EGFLAM: variants seen among roughly 807,000 people sequenced by gnomAD.
EGFLAM encodes pikachurin.
In EGFLAM, 79 loss-of-function variants were observed where a neutral mutation model predicts 113.1. The observed-to-expected ratio is 0.70, with a 90% confidence interval of 0.58 to 0.84. The LOEUF is 0.84. Among genes scored for constraint, EGFLAM ranks in the 40% least tolerant of loss-of-function variants. The pLI is 0.00. For synonymous variants in EGFLAM, 504 were observed against 487.6 expected, an observed-to-expected ratio of 1.03 and a Z score of -0.44; for missense variants, 1,265 against 1,291.6, an observed-to-expected ratio of 0.98 and a Z score of 0.32.
At chr5:38,436,262 G>A (rs1208564768) in intron 16 of EGFLAM, among the ~76,000 whole-genome samples, 1 of 152,292 alleles carries the variant, frequency 6.6e-6, no homozygotes, top group African/African-American at 2.4e-5. Context: ...CTGAAGAAAA[G>A]CATGTTTAGT....
At chr5:38,417,235 C>G (rs144065536) in intron 11 of EGFLAM, among the ~76,000 whole-genome samples, 3 of 150,970 alleles carry the variant, frequency 2.0e-5, no homozygotes, top group Non-Finnish European at 2.9e-5. Context: ...GTAATCCCAG[C>G]TACTCAGGAG....
intron 5 of EGFLAM, among the ~76,000 whole-genome samples, chr5:38,367,412 A>ATT (rs140514341): frequency 2.7e-5 from 4 of 145,574 alleles, no homozygotes; most frequent in African/African-American, 7.6e-5. Flanking sequence ...ATGCTGGCTA[A>ATT]TTTTTTTTTT....
rs112633193 is a variant in EGFLAM at position 38,269,782 on chromosome 5, C to G, written c.97+10931C>G. Among the ~76,000 whole-genome samples the G allele has an allele frequency of 4.1e-3, 628 of 152,284 alleles. 3 individuals are homozygous for G. The highest frequency in any genetic ancestry group is 0.014 in the African/African-American group (598 of 41,564). ...GGGATTACAGGCCTGAGCCACTGCG[C>G]CTGGCCTGAAACACTGCACTTTTCA... On this transcript the variant is annotated intron_variant, in intron 1 of 21. Coordinates refer to ENST00000322350, the MANE Select transcript of EGFLAM (RefSeq NM_152403.4).
intron 13 of EGFLAM, among the ~76,000 whole-genome samples, chr5:38,426,124 G>T (rs116225465): frequency 0.012 from 1,824 of 152,000 alleles, 44 homozygotes; most frequent in African/African-American, 0.042. Flanking sequence ...AAAAGATAGG[G>T]AAGGTAGACA....
chr5:38,319,550 A>G (rs948914565), intron 1 of EGFLAM, among the ~76,000 whole-genome samples: 7 of 152,166 alleles, frequency 4.6e-5, no homozygotes, highest in Non-Finnish European at 7.3e-5. Context: ...TCTACGGGCT[A>G]TTGGGGGCAA....
intron 1 of EGFLAM, among the ~76,000 whole-genome samples, chr5:38,306,689 T>C (rs924596129): frequency 1.1e-4 from 17 of 152,220 alleles, no homozygotes; most frequent in Non-Finnish European, 2.4e-4. Flanking sequence ...GATTCCCCAA[T>C]GTATGATGCC....
At chr5:38,379,350 G>C (rs754663174) in intron 6 of EGFLAM, among the ~76,000 whole-genome samples, 2 of 152,050 alleles carry the variant, frequency 1.3e-5, no homozygotes, top group African/African-American at 4.8e-5. Context: ...GTGGGATCTA[G>C]AAGCTTATAG....
At chr5:38,367,574 G>T (rs945211142) in intron 5 of EGFLAM, among the ~76,000 whole-genome samples, 2 of 152,022 alleles carry the variant, frequency 1.3e-5, no homozygotes, top group Admixed American at 1.3e-4. Context: ...CTGTTCCTGT[G>T]GGGTGGCAGC....
chr5:38,455,688 C>T lies in EGFLAM; in HGVS notation c.2688-2623C>T, dbSNP rs556035567. Among the ~76,000 whole-genome samples, 9 of 152,054 alleles carry T rather than the reference C, an allele frequency of 5.9e-5. No homozygotes were observed. The South Asian group carries it at 6.2e-4, about 11-fold the overall frequency. On this transcript the variant is annotated intron_variant, in intron 19 of 21. Transcript: ENST00000322350. Reference sequence around the variant, plus strand: ...AGATGGAATTGAAGGGTTGGGGAATCGGGCCATGGAGAAGCCAACTGAGTT... The same window carrying T: ...AGATGGAATTGAAGGGTTGGGGAATTGGGCCATGGAGAAGCCAACTGAGTT...
intron 10 of EGFLAM, among the ~76,000 whole-genome samples, chr5:38,411,487 T>C (rs969909790): frequency 1.3e-4 from 19 of 144,362 alleles, no homozygotes; most frequent in Non-Finnish European, 2.1e-4. Flanking sequence ...TAATTTCTTT[T>C]TTTTTTTTTT....
At chr5:38,323,092 G>T (rs780538553) in intron 1 of EGFLAM, among the ~76,000 whole-genome samples, 2 of 152,180 alleles carry the variant, frequency 1.3e-5, no homozygotes, top group African/African-American at 4.8e-5. Flanking sequence ...ACTATTTTTA[G>T]TTAGTCTGGG....
At chr5:38,439,001 C>CTTT (rs1258201947) in intron 17 of EGFLAM, among the ~76,000 whole-genome samples, 1 of 152,152 alleles carries the variant, frequency 6.6e-6, no homozygotes, top group African/African-American at 2.4e-5. Flanking sequence ...GTTGTCTCAA[C>CTTT]TGTAAAATGG....
Position 38,395,857 on chromosome 5 carries a change from A to G in EGFLAM, c.713-10269A>G, listed in dbSNP as rs80288647. Among the ~76,000 whole-genome samples the G allele has an allele frequency of 7.1e-3, 1,081 of 152,176 alleles. 23 individuals carry two copies. The highest frequency in any genetic ancestry group is 0.025 in the African/African-American group (1,037 of 41,480). On this transcript the variant is annotated intron_variant, in intron 6 of 21. Transcript: ENST00000322350. ...ACTGGAGACCATACTATGTATGTCA[A>G]TTTTCGGTTAGTTACCCTGTCTCTC...
intron 1 of EGFLAM, among the ~76,000 whole-genome samples, chr5:38,313,263 A>G (rs6865068): frequency 0.59 from 90,317 of 152,042 alleles, 27,807 homozygotes; most frequent in East Asian, 0.77. Context: ...ATAATTTTAT[A>G]TTGTACATGC....
intron 17 of EGFLAM, among the ~76,000 whole-genome samples, chr5:38,444,663 G>A (rs1742650973): frequency 6.6e-6 from 1 of 152,078 alleles, no homozygotes; most frequent in African/African-American, 2.4e-5. Context: ...TAATCATGTT[G>A]GCCAGGCGCA....
At chr5:38,322,682 T>C (rs1738773776) in intron 1 of EGFLAM, among the ~76,000 whole-genome samples, 1 of 152,164 alleles carries the variant, frequency 6.6e-6, no homozygotes. Context: ...GAATGATGGA[T>C]TACTCCCTGG....
In EGFLAM at chr5:38,431,180, T is replaced by A; in HGVS notation, c.2058T>A (p.Ser686Arg). The A allele has an allele frequency of 1.2e-6, 2 of 1,613,400 alleles. No individual in the cohort carries two copies. Among genetic ancestry groups the A allele is most frequent in the Non-Finnish European group, 8.5e-7 (1 of 1,179,446 alleles). Residue 686 changes from serine to arginine, a missense_variant, in exon 15 of 22, where the codon AGT becomes AGA. Physicochemically the swap from Ser to Arg is moderately radical, Grantham distance 110 (BLOSUM62 -1). Transcript: ENST00000322350. Reference protein sequence around the residue: ...DCGSGTGVLRSEDPLTLGNWH... With the variant: ...DCGSGTGVLRREDPLTLGNWH... ...ATATCACATCTTCCTTCCACAGGAG[T>A]GAAGATCCCCTCACCCTGGGCAACT... is the stretch of plus-strand genomic sequence containing the variant.
chr5:38,315,123 G>A (rs1579761885), intron 1 of EGFLAM, among the ~76,000 whole-genome samples: 1 of 152,176 alleles, frequency 6.6e-6, no homozygotes, highest in East Asian at 1.9e-4. Flanking sequence ...CCAAGAAGGT[G>A]CATCCAGGAT....
chr5:38,407,933 G>A (rs756850916), intron 9 of EGFLAM, 28 bp downstream of exon 9: 2 of 1,539,282 alleles, frequency 1.3e-6, no homozygotes, highest in Admixed American at 3.3e-5. Context: ...TTTGATGAGT[G>A]CTTTTTGGAC....
Sources: allele counts gnomAD v4.1 joint callset (sites outside exome capture counted in the v4.1 genomes callset), GRCh38; gene constraint gnomAD v4.1.1; transcripts MANE v1.5; gene names NCBI Gene and HGNC (gene_info 2026-07-23, HGNC 2026-07-21).